WDR72: variants seen among roughly 807,000 people sequenced by gnomAD.
The protein encoded by WDR72 is WD repeat-containing protein 72.
WDR72 carries 120 observed loss-of-function variants against 124.2 expected under a neutral mutation model. That is an observed-to-expected ratio of 0.97 (90% CI 0.83 to 1.12). WDR72 has a LOEUF of 1.12. Among genes scored for constraint, WDR72 ranks in the 50% most tolerant of loss-of-function variants. The pLI is 0.00. For missense variants in WDR72, 1,387 were observed against 1,278.8 expected, an observed-to-expected ratio of 1.08 and a Z score of -1.29; for synonymous variants, 452 against 441.7, an observed-to-expected ratio of 1.02 and a Z score of -0.29.
chr15:53,528,802 G>C (rs536599617), intron 18 of WDR72, among the ~76,000 whole-genome samples: 1 of 152,050 alleles, frequency 6.6e-6, no homozygotes, highest in African/African-American at 2.4e-5. Context: ...TGAGAAAGAG[G>C]TATCAATTGC....
chr15:53,618,677 T>C (rs959698925), intron 14 of WDR72, among the ~76,000 whole-genome samples: 4 of 152,000 alleles, frequency 2.6e-5, no homozygotes, highest in African/African-American at 9.7e-5. Flanking sequence ...CTGTCTTTTC[T>C]CTCTGCTGTT....
intron 17 of WDR72, among the ~76,000 whole-genome samples, chr15:53,607,947 C>A (rs2013359172): frequency 2.0e-5 from 3 of 152,064 alleles, no homozygotes; most frequent in African/African-American, 7.2e-5. Flanking sequence ...CAAATCAAAG[C>A]AACAATGCAA....
rs1206456803 is a variant in WDR72 at position 53,515,664 on chromosome 15, T to TAACA, written c.*2031_*2034dup. Reference sequence around the variant, plus strand: ...TCTAACATGCGATGCCGAAAAATCCTAACATTTCCACTTAGTAATGTCAGG... The same window carrying TAACA: ...TCTAACATGCGATGCCGAAAAATCCTAACAAACATTTCCACTTAGTAATGTCAGG... On this transcript the variant is annotated 3_prime_UTR_variant, in exon 20 of 20. Transcript: ENST00000360509. 2 of 152,194 alleles carry TAACA rather than the reference T, an allele frequency of 1.3e-5. No individual in the cohort carries two copies. The highest frequency in any genetic ancestry group is 4.8e-5 in the African/African-American group (2 of 41,456). The allele number at this position is 152,194 out of a possible 1,614,324, so 9.4% of individuals were successfully genotyped here.
intron 18 of WDR72, among the ~76,000 whole-genome samples, chr15:53,587,845 C>T (rs549287016): frequency 1.4e-3 from 215 of 152,028 alleles, no homozygotes; most frequent in African/African-American, 4.7e-3. Flanking sequence ...CATAAAGGGC[C>T]CATGCTCATC....
intron 14 of WDR72, among the ~76,000 whole-genome samples, chr15:53,626,578 G>C (rs1364727993): frequency 6.6e-6 from 1 of 152,244 alleles, no homozygotes; most frequent in Non-Finnish European, 1.5e-5. Flanking sequence ...CCCATACAAA[G>C]GGAGAGGACC....
chr15:53,747,070 G>T (rs62005961), intron 1 of WDR72, among the ~76,000 whole-genome samples: 40,244 of 151,990 alleles, frequency 0.26, 6,584 homozygotes, highest in East Asian at 0.46. Context: ...AACCGTAGAA[G>T]ACTATGAACC....
chr15:53,579,301 A>C (rs1458279586), intron 18 of WDR72, among the ~76,000 whole-genome samples: 2 of 152,130 alleles, frequency 1.3e-5, no homozygotes, highest in Non-Finnish European at 2.9e-5. Context: ...GGTTACTGAA[A>C]TAATACATTA....
At chr15:53,740,191 C>A (rs1444655198) in intron 1 of WDR72, among the ~76,000 whole-genome samples, 1 of 152,096 alleles carries the variant, frequency 6.6e-6, no homozygotes, top group Non-Finnish European at 1.5e-5. Flanking sequence ...TTGATGTCTC[C>A]CTTAATGAAG....
intron 14 of WDR72, among the ~76,000 whole-genome samples, chr15:53,663,587 G>A (rs1367844032): frequency 2.0e-5 from 3 of 152,152 alleles, no homozygotes; most frequent in Non-Finnish European, 2.9e-5. Context: ...AGTTAAATTA[G>A]TAAAAATGAC....
At chr15:53,540,331 C>G (rs1273739697) in intron 18 of WDR72, among the ~76,000 whole-genome samples, 1 of 152,066 alleles carries the variant, frequency 6.6e-6, no homozygotes, top group Non-Finnish European at 1.5e-5. Flanking sequence ...GAAACATTTA[C>G]CAAAACTGGC....
At chr15:53,586,375 A>T (rs987690621) in intron 18 of WDR72, among the ~76,000 whole-genome samples, 30 of 152,088 alleles carry the variant, frequency 2.0e-4, no homozygotes, top group African/African-American at 7.0e-4. Flanking sequence ...GTTGTAAGCC[A>T]AAGTTTTGAA....
At chr15:53,670,080 G>A (rs760484613) in intron 13 of WDR72, among the ~76,000 whole-genome samples, 6 of 152,136 alleles carry the variant, frequency 3.9e-5, no homozygotes, top group Admixed American at 6.5e-5. Context: ...CAAAGTAGGT[G>A]TGCAAAAATA....
Position 53,546,768 on chromosome 15 carries a change from A to G in WDR72, c.3149-23446T>C, listed in dbSNP as rs181862449. Among the ~76,000 whole-genome samples, 3 of 152,378 alleles carry G rather than the reference A, an allele frequency of 2.0e-5. No individual in the cohort carries two copies. In the East Asian group the frequency reaches 5.8e-4, roughly 29 times the overall value. On this transcript the variant is annotated intron_variant, in intron 18 of 19. Coordinates refer to ENST00000360509, the MANE Select transcript of WDR72 (RefSeq NM_182758.4). ...ACAAATCTAATCAAGAAGCAAAGGG[A>G]AAATTCACAAATACACAAAATCAAA... is the stretch of plus-strand genomic sequence containing the variant.
intron 18 of WDR72, among the ~76,000 whole-genome samples, chr15:53,539,942 TAGAC>T (rs1348371324): frequency 2.6e-5 from 4 of 152,090 alleles, no homozygotes; most frequent in African/African-American, 9.7e-5. Flanking sequence ...GATAAAAGGA[TAGAC>T]AGGATATAAA....
At chr15:53,728,857 T>C (rs1414759747) in intron 2 of WDR72, among the ~76,000 whole-genome samples, 2 of 152,096 alleles carry the variant, frequency 1.3e-5, no homozygotes, top group African/African-American at 4.8e-5. Flanking sequence ...GCAGCATGTA[T>C]AATCTAGGCA....
At chr15:53,522,851 C>G in intron 19 of WDR72, among the ~76,000 whole-genome samples, 1 of 152,058 alleles carries the variant, frequency 6.6e-6, no homozygotes, top group Non-Finnish European at 1.5e-5. Flanking sequence ...TCACCCCCGT[C>G]TGTCCACTTC....
At chr15:53,531,832 T>C (rs1204618669) in intron 18 of WDR72, among the ~76,000 whole-genome samples, 1 of 152,066 alleles carries the variant, frequency 6.6e-6, no homozygotes, top group Non-Finnish European at 1.5e-5. Flanking sequence ...CCTAGATTAG[T>C]GTAAAAATCT....
At chr15:53,613,206 A>G (rs1354455140) in intron 16 of WDR72, among the ~76,000 whole-genome samples, 1 of 152,106 alleles carries the variant, frequency 6.6e-6, no homozygotes, top group African/African-American at 2.4e-5. Flanking sequence ...TAACCTTCTG[A>G]AATTGCAAGA....
At chr15:53,637,200 T>C (rs1310826117) in intron 14 of WDR72, among the ~76,000 whole-genome samples, 2 of 152,228 alleles carry the variant, frequency 1.3e-5, no homozygotes, top group African/African-American at 4.8e-5. Flanking sequence ...TTGCTGCATC[T>C]CTATTAGCTT....
Sources: gnomAD v4.1 joint callset for allele counts (sites outside exome capture counted in the v4.1 genomes callset) on GRCh38, gnomAD v4.1.1 for gene constraint, MANE v1.5 for transcripts, NCBI Gene and HGNC (gene_info 2026-07-23, HGNC 2026-07-21) for gene names.